Variants in CDH18 observed in about 807,000 individuals in gnomAD.
CDH18 encodes cadherin-18.
In CDH18, 31 loss-of-function variants were observed where a neutral mutation model predicts 67.9. That is an observed-to-expected ratio of 0.46 (90% CI 0.34 to 0.62). CDH18 has a LOEUF of 0.62. Ranked by LOEUF, CDH18 falls within the 20% of genes least tolerant of loss-of-function variation. The pLI is 0.01. For synonymous variants in CDH18, 362 were observed against 347.2 expected, an observed-to-expected ratio of 1.04 and a Z score of -0.48; for missense variants, 890 against 975.5, an observed-to-expected ratio of 0.91 and a Z score of 1.17.
At chr5:19,840,636 G>T (rs1056317644) in intron 2 of CDH18, among the ~76,000 whole-genome samples, 2 of 151,928 alleles carry the variant, frequency 1.3e-5, no homozygotes, top group Non-Finnish European at 2.9e-5. Flanking sequence ...CAGGAGATGG[G>T]TGTTGCAGTG....
chr5:19,518,290 A>T (rs1342881301), intron 10 of CDH18, among the ~76,000 whole-genome samples: 1 of 152,210 alleles, frequency 6.6e-6, no homozygotes, highest in Non-Finnish European at 1.5e-5. Flanking sequence ...AAATTAATTA[A>T]GTAGGAGGCC....
intron 2 of CDH18, among the ~76,000 whole-genome samples, chr5:20,152,641 A>C (rs1751215059): frequency 6.6e-6 from 1 of 152,080 alleles, no homozygotes; most frequent in African/African-American, 2.4e-5. Flanking sequence ...AAAATATCTT[A>C]CTCTAGTAAA....
intron 1 of CDH18, among the ~76,000 whole-genome samples, chr5:20,469,041 C>T (rs1751866630): frequency 1.3e-5 from 2 of 152,164 alleles, no homozygotes; most frequent in South Asian, 4.1e-4. Context: ...ATTTTCTAGC[C>T]TCTTTGCAAC....
rs114939699 is a variant in CDH18, at chr5:20,041,178, G to A, written c.-517-49164C>T. 6.0e-3 allele frequency among the ~76,000 whole-genome samples: 912 copies of A among 152,226 alleles called. 6 individuals carry two copies. The highest frequency in any genetic ancestry group is 0.021 in the African/African-American group (857 of 41,536). On this transcript the variant is annotated intron_variant, in intron 2 of 14. Transcript: ENST00000507958. ...ACTGTAGAAAGCTTATAAACTTTACGATGTTTCTCATGATATCTTGCATGT... is the reference window on the plus strand; with the variant it reads ...ACTGTAGAAAGCTTATAAACTTTACAATGTTTCTCATGATATCTTGCATGT...
In CDH18 at chr5:19,943,912, C is replaced by T. The variant is rs1351945853; in HGVS notation, c.-257+37148G>A. ...AATATAAGCAGTTTTTTTCTAATAG[C>T]TATTTTGTATTACCAAAAATCAGTA... On this transcript the variant is annotated intron_variant, in intron 2 of 12. Transcript: ENST00000382275. Among the ~76,000 whole-genome samples the T allele has an allele frequency of 2.6e-5, 4 of 152,054 alleles. No individual in the cohort carries two copies. In the East Asian group the frequency reaches 5.8e-4, roughly 22 times the overall value.
At chr5:19,571,473 AAAC>A (rs1202234615) in intron 8 of CDH18, 103 bp downstream of exon 8, 7 of 1,027,622 alleles carry the variant, frequency 6.8e-6, no homozygotes, top group Non-Finnish European at 5.6e-6. Context: ...TATTCGTAGA[AAAC>A]AACGTAGAAA....
At chr5:19,576,157 T>C (rs1211485382) in intron 7 of CDH18, among the ~76,000 whole-genome samples, 2 of 152,044 alleles carry the variant, frequency 1.3e-5, no homozygotes, top group African/African-American at 4.8e-5. Context: ...AAGAAGAAAT[T>C]GAGGGGAAAC....
intron 5 of CDH18, among the ~76,000 whole-genome samples, chr5:19,684,604 T>TAAATTAATTTAATTTAATTTAATTTAA (rs1301526178): frequency 2.6e-5 from 4 of 151,686 alleles, no homozygotes; most frequent in Non-Finnish European, 4.4e-5. Flanking sequence ...TTTTAGAGTC[T>TAAATTAATTTAATTTAATTTAATTTAA]TCTACATTTT....
At chr5:19,745,966 T>C (rs1408616404) in intron 4 of CDH18, among the ~76,000 whole-genome samples, 1 of 151,976 alleles carries the variant, frequency 6.6e-6, no homozygotes, top group Non-Finnish European at 1.5e-5. Flanking sequence ...ACAGACTGAT[T>C]TGATTAGTGA....
In CDH18 at chr5:19,584,728, G is replaced by A. The variant is rs556790750; in HGVS notation, c.999+6329C>T. 1.1e-4 allele frequency among the ~76,000 whole-genome samples: 14 copies of A among 133,084 alleles called. No homozygotes were observed. In the East Asian group the frequency reaches 1.4e-3, roughly 14 times the overall value. 87.3% of individuals were successfully genotyped at this position (133,084 alleles called of 152,430 possible). On this transcript the variant is annotated intron_variant, in intron 7 of 12. Coordinates refer to ENST00000382275, the MANE Select transcript of CDH18 (RefSeq NM_004934.5). ...TTTGGGAGGCGGAAGCTGGCAGATC[G>A]TTTGGGCTCAGGAGTTAGAGACCAG...
chr5:20,539,881 G>A (rs1362451992), intron 1 of CDH18, among the ~76,000 whole-genome samples: 3 of 152,064 alleles, frequency 2.0e-5, no homozygotes, highest in East Asian at 1.9e-4. Flanking sequence ...TAACTCATAC[G>A]TGACTTCAGA....
intron 8 of CDH18, among the ~76,000 whole-genome samples, chr5:19,562,518 T>C (rs1739635285): frequency 1.3e-5 from 2 of 152,276 alleles, no homozygotes; most frequent in Admixed American, 1.3e-4. Context: ...TAAATTCACC[T>C]CACCAAGGTC....
At chr5:19,845,699 A>G (rs181330656) in intron 2 of CDH18, among the ~76,000 whole-genome samples, 1 of 151,850 alleles carries the variant, frequency 6.6e-6, no homozygotes, top group Non-Finnish European at 1.5e-5. Flanking sequence ...TTGGGTGCAT[A>G]TATATTTATA....
intron 2 of CDH18, among the ~76,000 whole-genome samples, chr5:20,031,362 G>T (rs905825245): frequency 5.3e-5 from 8 of 152,086 alleles, no homozygotes; most frequent in Admixed American, 2.6e-4. Context: ...AGTGGCCAGT[G>T]TCACCACAGA....
intron 1 of CDH18, among the ~76,000 whole-genome samples, chr5:20,496,616 T>C (rs1753922791): frequency 6.6e-6 from 1 of 152,190 alleles, no homozygotes; most frequent in South Asian, 2.1e-4. Context: ...GTGGGAATTA[T>C]CGTTTCAGAG....
In CDH18 at chr5:20,152,942, T is replaced by G. The variant is rs1028878653; in HGVS notation, c.-518+102502A>C. Among the ~76,000 whole-genome samples, 17 of 149,206 alleles carry G rather than the reference T, an allele frequency of 1.1e-4. No individual in the cohort carries two copies. The South Asian group carries it at 3.6e-3, about 32-fold the overall frequency. ...TATAGACAACTAAGGATGAGGAATT[T>G]TTTTTTTTTTTTTTTTTTGAGACGG... On this transcript the variant is annotated intron_variant, in intron 2 of 14. Coordinates refer to the CDH18 transcript ENST00000507958.
chr5:20,311,034 T>C (rs1015354319), intron 1 of CDH18, among the ~76,000 whole-genome samples: 3 of 152,132 alleles, frequency 2.0e-5, no homozygotes, highest in Non-Finnish European at 4.4e-5. Context: ...AGAAAAGTTA[T>C]TAAATTCACC....
chr5:20,343,674 G>A (rs1441105222), intron 1 of CDH18, among the ~76,000 whole-genome samples: 1 of 152,134 alleles, frequency 6.6e-6, no homozygotes, highest in Non-Finnish European at 1.5e-5. Context: ...AACTGGTTGA[G>A]CAAATTGCTC....
chr5:19,887,810 A>G (rs1788380063), intron 2 of CDH18, among the ~76,000 whole-genome samples: 1 of 151,688 alleles, frequency 6.6e-6, no homozygotes, highest in African/African-American at 2.4e-5. Flanking sequence ...GGACTCAAGC[A>G]AGCCTCCTGC....
Sources: allele counts gnomAD v4.1 joint callset (sites outside exome capture counted in the v4.1 genomes callset), GRCh38; gene constraint gnomAD v4.1.1; transcripts MANE v1.5; gene names NCBI Gene and HGNC (gene_info 2026-07-23, HGNC 2026-07-21).